ZER1: variants seen among roughly 807,000 people sequenced by gnomAD.
The protein encoded by ZER1 is protein zer-1 homolog.
A neutral mutation model predicts 78.8 loss-of-function variants in ZER1; 11 were observed. That is an observed-to-expected ratio of 0.14 (90% CI 0.09 to 0.23). The LOEUF (loss-of-function observed/expected upper bound fraction) is 0.23, where lower values mean the gene tolerates loss of function less well. Among genes scored for constraint, ZER1 ranks in the 10% least tolerant of loss-of-function variants. ZER1 has a pLI of 1.00. For missense variants in ZER1, 588 were observed against 996.9 expected (o/e 0.59, Z 5.52); for synonymous variants, 400 against 407.0 (o/e 0.98, Z 0.21).
At chr9:128,759,217 C>T (rs191533744) in intron 1 of ZER1, among the ~76,000 whole-genome samples, 187 of 151,862 alleles carry the variant, frequency 1.2e-3, no homozygotes, top group Admixed American at 2.4e-3. Context: ...GTCATCTAGG[C>T]TGGGGTGCAG....
intron 1 of ZER1, among the ~76,000 whole-genome samples, chr9:128,761,296 T>A (rs1443198531): frequency 1.3e-5 from 2 of 151,964 alleles, no homozygotes; most frequent in African/African-American, 2.4e-5. Flanking sequence ...ACCCCACCTT[T>A]TTTTTCTTTT....
rs146854328 is a variant in ZER1, at chr9:128,755,046, G to A, written c.158+362C>T. Among the ~76,000 whole-genome samples, 1,900 of 152,284 alleles carry A rather than the reference G, an allele frequency of 0.012. 25 individuals carry two copies. The highest frequency in any genetic ancestry group is 0.051 in the South Asian group (248 of 4,832). The stretch of plus-strand genomic sequence containing the variant: ...TATGTGCATGTGAATGTACATACAC[G>A]TGTGGGGCAACACTTAATTCCTTCA... On this transcript the variant is annotated intron_variant, in intron 2 of 15. Coordinates refer to ENST00000291900, the MANE Select transcript of ZER1 (RefSeq NM_006336.4). The surrounding 1 kb of genome is among the most constrained non-coding windows in gnomAD (Gnocchi z 5.6).
chr9:128,768,199 C>T (rs1864275947), intron 1 of ZER1, among the ~76,000 whole-genome samples: 1 of 152,136 alleles, frequency 6.6e-6, no homozygotes, highest in South Asian at 2.1e-4. Flanking sequence ...AATAGATAAC[C>T]AGACAGGGGT....
At chr9:128,750,591 G>A (rs371059018) in intron 8 of ZER1, 25 bp downstream of exon 8, 66 of 1,610,100 alleles carry the variant, frequency 4.1e-5, no homozygotes, top group South Asian at 1.5e-4. Context: ...CAGAGCATGC[G>A]GGGCCGTGGC....
Position 128,755,652 on chromosome 9 carries a change from G to C in ZER1, c.-87C>G, listed in dbSNP as rs1256184555. 1.2e-5 allele frequency: 19 copies of C among 1,530,854 alleles called. No individual in the cohort carries two copies. The highest frequency in any genetic ancestry group is 1.7e-5 in the Non-Finnish European group (19 of 1,127,222). The allele number at this position is 1,530,854 out of a possible 1,614,324, so 94.8% of individuals were successfully genotyped here. A position where few individuals can be genotyped will look rare whatever the true frequency, so the allele number is the denominator to read the frequency against. On this transcript the variant is annotated 5_prime_UTR_variant, in exon 2 of 16. Coordinates refer to ENST00000291900, the MANE Select transcript of ZER1 (RefSeq NM_006336.4). The surrounding 1 kb of genome is among the most constrained non-coding windows in gnomAD (Gnocchi z 5.6). The stretch of plus-strand genomic sequence containing the variant: ...GAATACTCACAGGATCATTGGCAGA[G>C]CCACTGCCTGGGGAGTGGACAAGAT...
Position 128,768,915 on chromosome 9 carries a change from C to T in ZER1, c.-95+2666G>A, listed in dbSNP as rs529393203. 4.6e-5 allele frequency among the ~76,000 whole-genome samples: 7 copies of T among 152,192 alleles called. No individual in the cohort carries two copies. In the South Asian group the frequency reaches 8.3e-4, roughly 18 times the overall value. ...CAACACCCTCATTTTGCCTATTTTA[C>T]GTGGTAGAATGGAAATTTGCTGGGC... On this transcript the variant is annotated intron_variant, in intron 1 of 15. Coordinates refer to ENST00000291900, the MANE Select transcript of ZER1 (RefSeq NM_006336.4).
At position 128,735,809 on chromosome 9, in the gene ZER1, G is replaced by A. The variant is rs565274360; in HGVS notation, c.2043-378C>T. ...TTTTTTTTTTGTGAGACGGAGTTTC[G>A]CTCTGTTGCCCAGGCTGGGGTGCAC... On this transcript the variant is annotated intron_variant, in intron 13 of 15. Transcript: ENST00000291900. Among the ~76,000 whole-genome samples, 286 of 113,668 alleles carry A rather than the reference G, an allele frequency of 2.5e-3. 2 individuals are homozygous for A. The highest frequency in any genetic ancestry group is 4.1e-3 in the Non-Finnish European group (251 of 61,384). The allele number at this position is 113,668 out of a possible 152,430, so 74.6% of individuals were successfully genotyped here. A position where few individuals can be genotyped will look rare whatever the true frequency, so the allele number is the denominator to read the frequency against.
chr9:128,763,629 G>A (rs554566667), intron 1 of ZER1, among the ~76,000 whole-genome samples: 6 of 152,330 alleles, frequency 3.9e-5, no homozygotes, highest in Non-Finnish European at 8.8e-5. Context: ...GAAGGGGCCT[G>A]GGGCTCTGGA....
rs1019136638 is a variant in ZER1, at chr9:128,751,984, C to T, written c.924-457G>A. ...ACACTGCCAGCCTTGCCTCTTCCCC[C>T]CATGGCACTGTGCTCTGGTCAGGCT... On this transcript the variant is annotated intron_variant, in intron 5 of 15. Coordinates refer to ENST00000291900, the MANE Select transcript of ZER1 (RefSeq NM_006336.4). The surrounding 1 kb of genome is among the most constrained non-coding windows in gnomAD (Gnocchi z 5.4). Among the ~76,000 whole-genome samples, 6 of 152,234 alleles carry T rather than the reference C, an allele frequency of 3.9e-5. No homozygotes were observed. The highest frequency in any genetic ancestry group is 1.2e-4 in the African/African-American group (5 of 41,466).
At chr9:128,764,774 G>A (rs900899288) in intron 1 of ZER1, among the ~76,000 whole-genome samples, 18 of 152,330 alleles carry the variant, frequency 1.2e-4, no homozygotes, top group African/African-American at 4.3e-4. Flanking sequence ...GGCAGTCACA[G>A]GCCATCTGGA....
rs1159213988 is a variant in ZER1 at position 128,750,686 on chromosome 9, T to C, written c.1289A>G (p.Gln430Arg). ...YLTNSEYRSE[Q>R]SVKLRRQVIQ... ...AACCTGCCGGCGCAGCTTCACACTC[T>C]GCTCTGAGCGGTACTCGGAATTTGT... Residue 430 changes from glutamine to arginine, a missense_variant, in exon 8 of 16, where the codon CAG (glutamine) becomes CGG (arginine). Gln to Arg is a conservative substitution (Grantham distance 43). This residue lies in a region of ZER1 where 406 missense variants were observed against 660.1 expected (regional missense o/e 0.62). Coordinates refer to ENST00000291900, the MANE Select transcript of ZER1 (RefSeq NM_006336.4). 6.2e-7 allele frequency: 1 copy of C among 1,614,118 alleles called. No homozygotes were observed. The highest frequency in any genetic ancestry group is 1.3e-5 in the African/African-American group (1 of 74,942).
intron 1 of ZER1, among the ~76,000 whole-genome samples, chr9:128,758,688 C>A (rs1863941247): frequency 6.6e-6 from 1 of 152,060 alleles, no homozygotes; most frequent in African/African-American, 2.4e-5. Context: ...AATCTGCTTA[C>A]CCCCGCCTCC....
At chr9:128,734,144 A>AAAAATATATATAT in intron 14 of ZER1, among the ~76,000 whole-genome samples, 4 of 14,452 alleles carry the variant, frequency 2.8e-4, no homozygotes, top group African/African-American at 5.6e-4. Context: ...AAAAAAAAAA[A>AAAAATATATATAT]ATATATATAT....
chr9:128,744,324 T>C (rs1863413150), intron 8 of ZER1, among the ~76,000 whole-genome samples: 1 of 152,006 alleles, frequency 6.6e-6, no homozygotes, highest in African/African-American at 2.4e-5. Context: ...CCCAAGTAGC[T>C]GGGATTATAG....
chr9:128,753,625 T>A lies in ZER1; in HGVS notation c.310-25A>T. On this transcript the variant is annotated intron_variant, in intron 3 of 15. Coordinates refer to ENST00000291900, the MANE Select transcript of ZER1 (RefSeq NM_006336.4). The surrounding 1 kb of genome is among the most constrained non-coding windows in gnomAD (Gnocchi z 7.5). ...CCTGGGAGTGGGCACAGCTCCATCA[T>A]CATCACCACCCTTGCCCCTTCCCCC... 1 of 1,608,048 alleles carries A rather than the reference T, an allele frequency of 6.2e-7. No homozygotes were observed. Among genetic ancestry groups the A allele is most frequent in the East Asian group, 2.2e-5 (1 of 44,788 alleles).
chr9:128,751,666 G>A lies in ZER1; in HGVS notation c.924-139C>T, dbSNP rs954973870. 6 of 684,646 alleles carry A rather than the reference G, an allele frequency of 8.8e-6. No homozygotes were observed. Among genetic ancestry groups the A allele is most frequent in the Admixed American group, 7.7e-5 (3 of 39,180 alleles). 42.4% of individuals were successfully genotyped at this position (684,646 alleles called of 1,614,324 possible). On this transcript the variant is annotated intron_variant, in intron 5 of 15. Transcript: ENST00000291900. This position sits in a 1 kb window ranked among gnomAD's most constrained non-coding sequence, Gnocchi z 5.4. ...TCCCCTACTCCTTTTGTTTTTAATG[G>A]TAGGGGACATAAGCACCACCTCCTG...
intron 8 of ZER1, among the ~76,000 whole-genome samples, chr9:128,746,458 CTTTTTTTTTTT>C (rs759531558): frequency 1.5e-5 from 2 of 129,314 alleles, no homozygotes; most frequent in Admixed American, 1.6e-4. Flanking sequence ...TCTTCTTTTC[CTTTTTTTTTTT>C]TTTTTTTTTA....
chr9:128,760,484 G>T (rs1864006341), intron 1 of ZER1, among the ~76,000 whole-genome samples: 1 of 152,190 alleles, frequency 6.6e-6, no homozygotes, highest in Non-Finnish European at 1.5e-5. Context: ...TTACAGGCGT[G>T]AGCCACCGCA....
At chr9:128,746,324 T>C (rs894022868) in intron 8 of ZER1, among the ~76,000 whole-genome samples, 7 of 152,198 alleles carry the variant, frequency 4.6e-5, no homozygotes, top group Non-Finnish European at 7.3e-5. Context: ...CTCTTCCCTA[T>C]CTTTGCAACA....
Sources: gnomAD v4.1 joint callset for allele counts (sites outside exome capture counted in the v4.1 genomes callset) on GRCh38, gnomAD v4.1.1 for gene constraint, gnomAD v4.1.1 regional missense constraint, Gnocchi (gnomAD v3.1) non-coding constraint, MANE v1.5 for transcripts, NCBI Gene and HGNC (gene_info 2026-07-23, HGNC 2026-07-21) for gene names.